The following EXOC4 variants were observed in gnomAD, a reference collection of about 807,000 sequenced individuals.
EXOC4 encodes the protein SEC8-like 1.
Under a neutral mutation model 107.2 loss-of-function variants are expected in EXOC4, and 71 were observed. The ratio of observed to expected loss-of-function variants is 0.66; its 90% CI spans 0.55 to 0.81. EXOC4 has a LOEUF of 0.81. Among genes scored for constraint, EXOC4 ranks in the 30% least tolerant of loss-of-function variants. The pLI, the probability that EXOC4 is intolerant of heterozygous loss-of-function variation, is 0.00. For synonymous variants in EXOC4, 456 were observed against 441.2 expected, an observed-to-expected ratio of 1.03 and a Z score of -0.42; for missense variants, 1,108 against 1,189.6, an observed-to-expected ratio of 0.93 and a Z score of 1.01.
At chr7:133,786,770 T>C (rs1223019803) in intron 10 of EXOC4, among the ~76,000 whole-genome samples, 3 of 152,232 alleles carry the variant, frequency 2.0e-5, no homozygotes, top group Non-Finnish European at 4.4e-5. Context: ...GATTTCACCA[T>C]CCTGGCTATT....
intron 10 of EXOC4, among the ~76,000 whole-genome samples, chr7:133,756,898 C>G (rs59938901): frequency 6.6e-6 from 1 of 152,064 alleles, no homozygotes; most frequent in Non-Finnish European, 1.5e-5. Flanking sequence ...TTAGGAGAAT[C>G]GCTGTTGTCA....
intron 15 of EXOC4, among the ~76,000 whole-genome samples, chr7:134,000,653 TG>T (rs1456074357): frequency 6.6e-6 from 1 of 152,162 alleles, no homozygotes; most frequent in East Asian, 1.9e-4. Context: ...AGAGGCTGTG[TG>T]GCCAATATCA....
At chr7:133,323,140 A>C (rs1199268148) in intron 5 of EXOC4, among the ~76,000 whole-genome samples, 1 of 152,138 alleles carries the variant, frequency 6.6e-6, no homozygotes, top group Non-Finnish European at 1.5e-5. Flanking sequence ...CTAAATATAC[A>C]ATCATGTCAT....
chr7:133,312,119 CATT>C (rs1794886434), intron 4 of EXOC4, among the ~76,000 whole-genome samples: 1 of 152,074 alleles, frequency 6.6e-6, no homozygotes, highest in Non-Finnish European at 1.5e-5. Flanking sequence ...TTCATTGTGA[CATT>C]GTTGGTAAGA....
At chr7:133,821,791 T>G (rs922215523) in intron 11 of EXOC4, among the ~76,000 whole-genome samples, 1 of 152,184 alleles carries the variant, frequency 6.6e-6, no homozygotes, top group African/African-American at 2.4e-5. Flanking sequence ...TGTGTTACAG[T>G]TGGGTCTCTC....
At chr7:133,968,262 T>A (rs959015410) in intron 14 of EXOC4, among the ~76,000 whole-genome samples, 5 of 152,180 alleles carry the variant, frequency 3.3e-5, no homozygotes, top group African/African-American at 1.2e-4. Context: ...GTCTCCTGAA[T>A]ACAGCACACC....
At chr7:133,426,125 G>A (rs1797721395) in intron 7 of EXOC4, among the ~76,000 whole-genome samples, 1 of 152,222 alleles carries the variant, frequency 6.6e-6, no homozygotes, top group African/African-American at 2.4e-5. Context: ...TTTGTCTACA[G>A]GAAGGAGATG....
chr7:133,504,802 C>A (rs1273451036), intron 9 of EXOC4, among the ~76,000 whole-genome samples: 2 of 152,024 alleles, frequency 1.3e-5, no homozygotes, highest in East Asian at 3.9e-4. Flanking sequence ...GACTCTTTTC[C>A]ACTTCCCATC....
At chr7:133,978,539 T>C (rs2001280) in intron 14 of EXOC4, among the ~76,000 whole-genome samples, 31,425 of 152,010 alleles carry the variant, frequency 0.21, 4,328 homozygotes, top group East Asian at 0.44. Context: ...CAGAAACCAT[T>C]TTAGGTATTT....
intron 7 of EXOC4, among the ~76,000 whole-genome samples, chr7:133,443,941 G>T (rs1386445003): frequency 6.6e-6 from 1 of 152,180 alleles, no homozygotes; most frequent in African/African-American, 2.4e-5. Context: ...ATTATGCCAG[G>T]CAGGACCAGG....
At chr7:133,860,712 A>C (rs900935839) in intron 11 of EXOC4, among the ~76,000 whole-genome samples, 2 of 152,206 alleles carry the variant, frequency 1.3e-5, no homozygotes, top group African/African-American at 4.8e-5. Context: ...CTTTGTTTTC[A>C]AACATGGGAT....
At chr7:134,010,971 A>G (rs2346441) in intron 17 of EXOC4, among the ~76,000 whole-genome samples, 23,987 of 150,512 alleles carry the variant, frequency 0.16, 2,647 homozygotes, top group East Asian at 0.43. Context: ...GGGTGAGCAA[A>G]GGAACCAGAC....
At chr7:134,034,957 G>C (rs1563099412) in intron 17 of EXOC4, among the ~76,000 whole-genome samples, 1 of 152,216 alleles carries the variant, frequency 6.6e-6, no homozygotes, top group East Asian at 1.9e-4. Context: ...TAAGAATGTA[G>C]CTGAGAGAAA....
chr7:133,365,027 C>G (rs1796221236), intron 6 of EXOC4, among the ~76,000 whole-genome samples: 1 of 152,088 alleles, frequency 6.6e-6, no homozygotes, highest in Admixed American at 6.5e-5. Flanking sequence ...ATCCATTTTC[C>G]TGCCCATACC....
intron 7 of EXOC4, among the ~76,000 whole-genome samples, chr7:133,405,950 T>C (rs1363712789): frequency 1.3e-5 from 2 of 152,160 alleles, no homozygotes; most frequent in Non-Finnish European, 2.9e-5. Context: ...GAGTGCCTAC[T>C]GTGAGCCAGA....
At chr7:133,728,107 C>G (rs1795253590) in intron 10 of EXOC4, among the ~76,000 whole-genome samples, 1 of 152,130 alleles carries the variant, frequency 6.6e-6, no homozygotes, top group Admixed American at 6.5e-5. Context: ...AGCAGCATCA[C>G]TGAGTGAAAA....
chr7:133,627,221 T>G (rs1802477148), intron 9 of EXOC4, among the ~76,000 whole-genome samples: 1 of 152,180 alleles, frequency 6.6e-6, no homozygotes, highest in Non-Finnish European at 1.5e-5. Context: ...TGGGGATAGA[T>G]GTGGGACCTA....
At chr7:133,629,145 A>G (rs530910435) in intron 9 of EXOC4, among the ~76,000 whole-genome samples, 2 of 152,338 alleles carry the variant, frequency 1.3e-5, no homozygotes, top group African/African-American at 4.8e-5. Context: ...AAAAAGCCAA[A>G]GGAGCTATTC....
chr7:133,674,846 G>A (rs988811825), intron 10 of EXOC4, among the ~76,000 whole-genome samples: 1 of 152,132 alleles, frequency 6.6e-6, no homozygotes, highest in African/African-American at 2.4e-5. Context: ...CTTGAGTGGA[G>A]AAGTAACCAT....
Sources: allele counts gnomAD v4.1 joint callset (sites outside exome capture counted in the v4.1 genomes callset), GRCh38; gene constraint gnomAD v4.1.1; transcripts MANE v1.5; gene names NCBI Gene and HGNC (gene_info 2026-07-23, HGNC 2026-07-21).